Variants in EYS observed in about 807,000 individuals in gnomAD.
The protein encoded by EYS is EGF-like photoreceptor maintenance factor, also known as protein eyes shut homolog.
In EYS, 250 loss-of-function variants were observed where a neutral mutation model predicts 282.1. That is an observed-to-expected ratio of 0.89 (90% CI 0.80 to 0.98). The LOEUF (loss-of-function observed/expected upper bound fraction) is 0.98, where lower values mean the gene tolerates loss of function less well. Among genes scored for constraint, EYS ranks in the 50% least tolerant of loss-of-function variants. The probability of loss-of-function intolerance (pLI) is 0.00; values close to 1 mark genes in which losing one functional copy is unlikely to be tolerated. For missense variants in EYS, 4,016 were observed against 3,709.0 expected (o/e 1.08, Z -2.15); for synonymous variants, 1,355 against 1,282.9 (o/e 1.06, Z -1.20).
intron 26 of EYS, among the ~76,000 whole-genome samples, chr6:64,579,569 A>G (rs1378719332): frequency 6.6e-6 from 1 of 152,108 alleles, no homozygotes; most frequent in Admixed American, 6.6e-5. Context: ...CCCACTGAGT[A>G]TCTGTGTTGT....
Position 63,852,981 on chromosome 6 carries a change from T to A in EYS, c.7228+11205A>T, listed in dbSNP as rs183448151. On this transcript the variant is annotated intron_variant, in intron 36 of 42. Coordinates refer to ENST00000503581, the MANE Select transcript of EYS (RefSeq NM_001142800.2). Reference sequence around the variant, plus strand: ...ATAAACTAGGTATTGATGGAACATATCTCAAAATAATAAGAGCTATTTATG... The same window carrying A: ...ATAAACTAGGTATTGATGGAACATAACTCAAAATAATAAGAGCTATTTATG... 3.9e-5 allele frequency among the ~76,000 whole-genome samples: 6 copies of A among 152,264 alleles called. No individual in the cohort carries two copies. The East Asian group carries it at 1.2e-3, about 29-fold the overall frequency.
At chr6:64,979,554 G>A (rs1770585057) in intron 14 of EYS, among the ~76,000 whole-genome samples, 1 of 151,552 alleles carries the variant, frequency 6.6e-6, no homozygotes, top group South Asian at 2.1e-4. Context: ...AGCAGGACCT[G>A]TACTCTGGAA....
intron 5 of EYS, among the ~76,000 whole-genome samples, chr6:65,471,271 C>G (rs1765206369): frequency 6.7e-6 from 1 of 148,564 alleles, no homozygotes; most frequent in South Asian, 2.1e-4. Context: ...TGTTAGGGTG[C>G]CTGTGGTCCC....
At chr6:64,204,652 CAT>C (rs1475112800) in intron 31 of EYS, among the ~76,000 whole-genome samples, 5 of 152,052 alleles carry the variant, frequency 3.3e-5, no homozygotes, top group African/African-American at 9.7e-5. Flanking sequence ...GTTAAACTAA[CAT>C]AGAAAATAAT....
At chr6:63,887,239 G>A (rs1462825600) in intron 35 of EYS, among the ~76,000 whole-genome samples, 2 of 151,266 alleles carry the variant, frequency 1.3e-5, no homozygotes, top group East Asian at 3.9e-4. Flanking sequence ...GGAATATAAT[G>A]AGAATATATC....
intron 12 of EYS, among the ~76,000 whole-genome samples, chr6:65,174,774 G>A (rs890831098): frequency 2.0e-5 from 3 of 151,130 alleles, no homozygotes; most frequent in African/African-American, 7.3e-5. Flanking sequence ...AAAAAGATGA[G>A]CACTGGAAAT....
intron 6 of EYS, among the ~76,000 whole-genome samples, chr6:65,403,364 T>G (rs1766591525): frequency 6.6e-6 from 1 of 152,078 alleles, no homozygotes. Context: ...TTCCTCTTGC[T>G]GTCCTCCTTA....
intron 19 of EYS, among the ~76,000 whole-genome samples, chr6:64,825,072 C>A (rs760324104): frequency 6.6e-6 from 1 of 151,902 alleles, no homozygotes; most frequent in Non-Finnish European, 1.5e-5. Context: ...ACTTTACTTA[C>A]ATTGACCTCC....
intron 33 of EYS, among the ~76,000 whole-genome samples, chr6:64,032,778 T>C (rs1193989275): frequency 6.6e-6 from 1 of 152,246 alleles, no homozygotes; most frequent in African/African-American, 2.4e-5. Context: ...AATAGCCAAA[T>C]AGAAGAGAGG....
chr6:64,630,984 C>T (rs140229393), intron 22 of EYS, among the ~76,000 whole-genome samples: 122 of 152,192 alleles, frequency 8.0e-4, no homozygotes, highest in Middle Eastern at 3.4e-3. Context: ...GAATGTCTGA[C>T]GGATTGAAAT....
At chr6:64,562,781 C>A (rs1832300) in intron 26 of EYS, among the ~76,000 whole-genome samples, 1 of 151,562 alleles carries the variant, frequency 6.6e-6, no homozygotes, top group Admixed American at 6.6e-5. Flanking sequence ...ATACTGGTAA[C>A]ACAATTTTTA....
intron 29 of EYS, among the ~76,000 whole-genome samples, chr6:64,355,481 G>A (rs1771793778): frequency 6.6e-6 from 1 of 151,568 alleles, no homozygotes; most frequent in African/African-American, 2.4e-5. Context: ...AAGAATCATT[G>A]TGTGGGTATT....
intron 41 of EYS, among the ~76,000 whole-genome samples, chr6:63,734,501 C>T (rs911398604): frequency 6.6e-6 from 1 of 152,024 alleles, no homozygotes; most frequent in Non-Finnish European, 1.5e-5. Flanking sequence ...ACAGGGCACT[C>T]CCTATCAAGA....
chr6:64,011,840 C>T (rs1036769958), intron 33 of EYS, among the ~76,000 whole-genome samples: 1 of 152,124 alleles, frequency 6.6e-6, no homozygotes, highest in African/African-American at 2.4e-5. Flanking sequence ...CTAGGGAATA[C>T]TGCAAAATTG....
chr6:64,661,744 A>G, intron 22 of EYS, among the ~76,000 whole-genome samples: 1 of 139,438 alleles, frequency 7.2e-6, no homozygotes, highest in East Asian at 2.0e-4. Context: ...CAGGTGCTGG[A>G]GAGGATATGG....
intron 15 of EYS, among the ~76,000 whole-genome samples, chr6:64,931,628 G>T: frequency 6.6e-6 from 1 of 151,980 alleles, no homozygotes; most frequent in Non-Finnish European, 1.5e-5. Flanking sequence ...ATATATTTTT[G>T]AAAACAAGAT....
intron 22 of EYS, among the ~76,000 whole-genome samples, chr6:64,756,771 A>T (rs1471066078): frequency 6.6e-6 from 1 of 152,198 alleles, no homozygotes; most frequent in African/African-American, 2.4e-5. Context: ...GTTTTGAATC[A>T]TAAGTGTAGA....
At chr6:64,180,968 T>C (rs537929579) in intron 31 of EYS, among the ~76,000 whole-genome samples, 4 of 152,114 alleles carry the variant, frequency 2.6e-5, no homozygotes, top group East Asian at 1.9e-4. Context: ...TCTCCACTTA[T>C]GGAGTCCCCA....
intron 31 of EYS, among the ~76,000 whole-genome samples, chr6:64,162,476 T>C (rs1299928011): frequency 6.6e-6 from 1 of 152,114 alleles, no homozygotes; most frequent in Non-Finnish European, 1.5e-5. Flanking sequence ...TGCTTGAGTA[T>C]GGTGCCCTTT....
Sources: gnomAD v4.1 joint callset for allele counts (sites outside exome capture counted in the v4.1 genomes callset) on GRCh38, gnomAD v4.1.1 for gene constraint, MANE v1.5 for transcripts, NCBI Gene and HGNC (gene_info 2026-07-23, HGNC 2026-07-21) for gene names.